SH3RF2: variants seen among roughly 807,000 people sequenced by gnomAD.
SH3RF2 encodes E3 ubiquitin-protein ligase SH3RF2.
Under a neutral mutation model 59.0 loss-of-function variants are expected in SH3RF2, and 43 were observed. The ratio of observed to expected loss-of-function variants is 0.73; its 90% CI spans 0.57 to 0.94. SH3RF2 has a LOEUF of 0.94. Ranked by LOEUF, SH3RF2 falls within the 40% of genes least tolerant of loss-of-function variation. The pLI, the probability that SH3RF2 is intolerant of heterozygous loss-of-function variation, is 0.00. For synonymous variants in SH3RF2, 391 were observed against 391.5 expected, an observed-to-expected ratio of 1.00 and a Z score of 0.01; for missense variants, 930 against 940.1, an observed-to-expected ratio of 0.99 and a Z score of 0.14.
At chr5:145,964,313 T>TTTC (rs796771828) in intron 2 of SH3RF2, among the ~76,000 whole-genome samples, 3,593 of 115,156 alleles carry the variant, frequency 0.031, 200 homozygotes, top group African/African-American at 0.14. Flanking sequence ...CCTTTCTTTC[T>TTTC]TTTTTTTTTT....
intron 2 of SH3RF2, among the ~76,000 whole-genome samples, chr5:145,941,661 A>C (rs1757818598): frequency 6.6e-6 from 1 of 152,296 alleles, no homozygotes; most frequent in South Asian, 2.1e-4. Flanking sequence ...AGAAGTTATG[A>C]ATCTGTGGAC....
At chr5:145,961,032 G>A (rs1304270978) in intron 2 of SH3RF2, among the ~76,000 whole-genome samples, 1 of 152,184 alleles carries the variant, frequency 6.6e-6, no homozygotes, top group Non-Finnish European at 1.5e-5. Context: ...AACTAGTTTT[G>A]CTAACACATA....
chr5:145,964,622 A>T (rs1208918863), intron 2 of SH3RF2, among the ~76,000 whole-genome samples: 1 of 151,824 alleles, frequency 6.6e-6, no homozygotes, highest in African/African-American at 2.4e-5. Flanking sequence ...TGGTTTTTTT[A>T]TTGCTGCATC....
At chr5:145,968,842 AT>A (rs1344805296) in intron 2 of SH3RF2, among the ~76,000 whole-genome samples, 2 of 152,356 alleles carry the variant, frequency 1.3e-5, no homozygotes, top group African/African-American at 4.8e-5. Flanking sequence ...CTAGAAGTAT[AT>A]GCCTCAAACT....
chr5:146,020,608 T>C (rs892759285), intron 5 of SH3RF2, among the ~76,000 whole-genome samples: 1 of 152,230 alleles, frequency 6.6e-6, no homozygotes, highest in Non-Finnish European at 1.5e-5. Context: ...ACATTGTTTA[T>C]ACTTGTGTTG....
chr5:146,002,932 G>T (rs1004554462), intron 3 of SH3RF2, among the ~76,000 whole-genome samples: 5 of 152,168 alleles, frequency 3.3e-5, no homozygotes, highest in Non-Finnish European at 7.4e-5. Context: ...AGGAAAAATT[G>T]TCTTCCACAA....
Position 146,009,134 on chromosome 5 carries a change from A to G in SH3RF2, c.745-4613A>G, listed in dbSNP as rs140587898. Among the ~76,000 whole-genome samples, 244 of 152,340 alleles carry G rather than the reference A, an allele frequency of 1.6e-3. 1 individual carries two copies. Among genetic ancestry groups the G allele is most frequent in the African/African-American group, 5.5e-3 (230 of 41,584 alleles). On this transcript the variant is annotated intron_variant, in intron 4 of 9. Transcript: ENST00000359120. ...GTGGGCACAAGTTTTCATTTCTCTT[A>G]GGTGATTACTTAGGAGTGGAATTGA...
chr5:145,974,262 G>A (rs773036683), intron 2 of SH3RF2, among the ~76,000 whole-genome samples: 15 of 152,100 alleles, frequency 9.9e-5, no homozygotes, highest in African/African-American at 3.1e-4. Context: ...CGAGCAAGAC[G>A]GAATCTTATA....
chr5:146,005,024 T>C (rs1216370341), intron 4 of SH3RF2, among the ~76,000 whole-genome samples: 19 of 152,214 alleles, frequency 1.2e-4, no homozygotes, highest in Admixed American at 9.8e-4. Flanking sequence ...GAGAAGGATA[T>C]GTACCAAAAT....
chr5:146,035,510 G>A (rs1436502906), intron 5 of SH3RF2, among the ~76,000 whole-genome samples: 1 of 152,106 alleles, frequency 6.6e-6, no homozygotes, highest in East Asian at 1.9e-4. Flanking sequence ...TAAATAACTT[G>A]CCCAGGGTTA....
At chr5:146,025,695 G>A (rs746999398) in intron 5 of SH3RF2, among the ~76,000 whole-genome samples, 1 of 147,802 alleles carries the variant, frequency 6.8e-6, no homozygotes, top group Admixed American at 6.8e-5. Flanking sequence ...ATGCTGAAGT[G>A]GAATCTATGG....
In SH3RF2 at chr5:146,009,568, C is replaced by T. The variant is rs114754494; in HGVS notation, c.745-4179C>T. Among the ~76,000 whole-genome samples the T allele has an allele frequency of 6.9e-3, 1,049 of 152,236 alleles. 16 individuals are homozygous for T. The highest frequency in any genetic ancestry group is 0.025 in the African/African-American group (1,021 of 41,536). On this transcript the variant is annotated intron_variant, in intron 4 of 9. Transcript: ENST00000359120. ...TGCCACCTTCTCGGCAGATCTTCCT[C>T]GACCCCCTAATTTAAAGTGGCTGCC... is the stretch of plus-strand genomic sequence containing the variant.
chr5:145,996,501 C>T (rs1477133567), intron 2 of SH3RF2, among the ~76,000 whole-genome samples: 1 of 135,550 alleles, frequency 7.4e-6, no homozygotes, highest in South Asian at 3.0e-4. Flanking sequence ...ATTTGACAAA[C>T]GATTATGCTT....
In SH3RF2 at chr5:146,062,632, A is replaced by G. The variant is rs745336419; in HGVS notation, c.2121A>G (p.Ser707=). 6.2e-7 allele frequency: 1 copy of G among 1,614,070 alleles called. No individual in the cohort carries two copies. ...SGQQTDLRRK[S]ALGKATTLVS... ...AGCAGACAGACCTCCGGAGAAAGTCAGCTCTTGGCAAGGCCACAACCCTGG... is the reference window on the plus strand; with the variant it reads ...AGCAGACAGACCTCCGGAGAAAGTCGGCTCTTGGCAAGGCCACAACCCTGG... Residue 707 remains serine, a synonymous_variant, in exon 10 of 10, where the codon TCA becomes TCG. Transcript: ENST00000359120.
Position 146,062,902 on chromosome 5 carries a change from C to T in SH3RF2, c.*201C>T, listed in dbSNP as rs1762954424. ...TAGATGGCGTGGCCTTCCAAACATA[C>T]AAACATAATGATTTGATGCCACAAA... is the stretch of plus-strand genomic sequence containing the variant. On this transcript the variant is annotated 3_prime_UTR_variant, in exon 10 of 10. Coordinates refer to ENST00000359120, the MANE Select transcript of SH3RF2 (RefSeq NM_152550.4). The T allele has an allele frequency of 1.5e-6, 1 of 669,014 alleles. No homozygotes were observed. Among genetic ancestry groups the T allele is most frequent in the African/African-American group, 1.8e-5 (1 of 55,244 alleles). 41.4% of individuals were successfully genotyped at this position (669,014 alleles called of 1,614,324 possible).
chr5:145,978,747 G>A lies in SH3RF2; in HGVS notation c.379-21311G>A, dbSNP rs144477215. 7.0e-3 allele frequency among the ~76,000 whole-genome samples: 1,062 copies of A among 152,034 alleles called. 4 individuals carry two copies. The highest frequency in any genetic ancestry group is 0.034 in the Middle Eastern group (10 of 290). ...TTAGTTGAATTCCACCAGACTGTGT[G>A]AACAATCTCATAATAATCCTACATC... On this transcript the variant is annotated intron_variant, in intron 2 of 9. Coordinates refer to ENST00000359120, the MANE Select transcript of SH3RF2 (RefSeq NM_152550.4).
rs542854029 is a variant in SH3RF2 at position 145,964,995 on chromosome 5, C to T, written c.378+26689C>T. Among the ~76,000 whole-genome samples, 6 of 152,188 alleles carry T rather than the reference C, an allele frequency of 3.9e-5. No homozygotes were observed. In the East Asian group the frequency reaches 1.2e-3, roughly 29 times the overall value. On this transcript the variant is annotated intron_variant, in intron 2 of 9. Coordinates refer to ENST00000359120, the MANE Select transcript of SH3RF2 (RefSeq NM_152550.4). ...ATTGCCTGAGCTCAGGAGTTCGAGA[C>T]TAGCCTGCGCAACACGGTGAAACCC...
chr5:146,041,824 AG>A (rs1471238266), intron 5 of SH3RF2, among the ~76,000 whole-genome samples: 5 of 152,168 alleles, frequency 3.3e-5, no homozygotes, highest in African/African-American at 1.2e-4. Flanking sequence ...CCAGCCACTC[AG>A]GAGGCTGAGG....
At chr5:146,073,931 A>G (rs541490072) in intron 9 of SH3RF2, among the ~76,000 whole-genome samples, 1 of 152,228 alleles carries the variant, frequency 6.6e-6, no homozygotes, top group Admixed American at 6.5e-5. Context: ...TTGAGACCCG[A>G]AGACTAAGAG....
Sources: allele counts gnomAD v4.1 joint callset (sites outside exome capture counted in the v4.1 genomes callset), GRCh38; gene constraint gnomAD v4.1.1; transcripts MANE v1.5; gene names NCBI Gene and HGNC (gene_info 2026-07-23, HGNC 2026-07-21).